The following JMJD1C variants were observed in gnomAD, a reference collection of about 807,000 sequenced individuals.
The protein encoded by JMJD1C is jumonji domain containing 1C.
Under a neutral mutation model 245.3 loss-of-function variants are expected in JMJD1C, and 31 were observed. The observed-to-expected ratio is 0.13, with a 90% CI of 0.09 to 0.17. The LOEUF (loss-of-function observed/expected upper bound fraction) is 0.17, where lower values mean the gene tolerates loss of function less well. JMJD1C is among the 10% of genes least tolerant of loss of function. The pLI is 1.00. For missense variants in JMJD1C, 2,691 were observed against 3,000.2 expected (o/e 0.90, Z 2.41); for synonymous variants, 1,057 against 1,017.4 (o/e 1.04, Z -0.74).
At chr10:63,218,912 A>C (rs1848288313) in intron 4 of JMJD1C, among the ~76,000 whole-genome samples, 2 of 152,156 alleles carry the variant, frequency 1.3e-5, no homozygotes, top group African/African-American at 4.8e-5. Context: ...TAGTATTTTA[A>C]ATTTAAAAAC....
chr10:63,497,598 C>A (rs1954403267), intron 1 of JMJD1C, among the ~76,000 whole-genome samples: 1 of 152,128 alleles, frequency 6.6e-6, no homozygotes, highest in Non-Finnish European at 1.5e-5. Flanking sequence ...ATGCTAAAAA[C>A]CATACAACTG....
chr10:63,350,805 G>A (rs1362312002), intron 2 of JMJD1C, among the ~76,000 whole-genome samples: 1 of 151,596 alleles, frequency 6.6e-6, no homozygotes, highest in Non-Finnish European at 1.5e-5. Context: ...TTGTTTAGTA[G>A]AGACGGGGTT....
intron 1 of JMJD1C, among the ~76,000 whole-genome samples, chr10:63,477,594 G>C (rs1405142102): frequency 3.4e-5 from 5 of 147,986 alleles, no homozygotes; most frequent in African/African-American, 1.2e-4. Context: ...CCCATACTTT[G>C]CAGCATATAC....
intron 1 of JMJD1C, among the ~76,000 whole-genome samples, chr10:63,460,557 G>C (rs1024170360): frequency 1.3e-5 from 2 of 152,076 alleles, no homozygotes; most frequent in African/African-American, 4.8e-5. Context: ...GAGATGGTTA[G>C]TATGAATTAA....
intron 5 of JMJD1C, among the ~76,000 whole-genome samples, chr10:63,216,091 T>C: frequency 6.6e-6 from 1 of 152,128 alleles, no homozygotes; most frequent in South Asian, 2.1e-4. Context: ...ATTGTGCAAA[T>C]GAATAATTTT....
chr10:63,228,410 A>AG (rs1027832510), intron 3 of JMJD1C, among the ~76,000 whole-genome samples: 2 of 152,134 alleles, frequency 1.3e-5, no homozygotes, highest in African/African-American at 4.8e-5. Flanking sequence ...CTAGCTACTC[A>AG]GGAGGCTGAG....
rs868515162 is a variant in JMJD1C at position 63,399,879 on chromosome 10, T to C, written c.169-19397A>G. Among the ~76,000 whole-genome samples the C allele has an allele frequency of 5.9e-5, 9 of 152,168 alleles. No individual in the cohort carries two copies. In the South Asian group the frequency reaches 8.3e-4, roughly 14 times the overall value. ...CAAGGTATATTCGGAGAATTCTAGC[T>C]AGTCCTTCTATACCTGTTCCCTATA... On this transcript the variant is annotated intron_variant, in intron 1 of 25. Coordinates refer to ENST00000399262, the MANE Select transcript of JMJD1C (RefSeq NM_032776.3).
At chr10:63,344,806 T>C (rs1055232691) in intron 2 of JMJD1C, among the ~76,000 whole-genome samples, 3 of 151,908 alleles carry the variant, frequency 2.0e-5, no homozygotes, top group African/African-American at 7.3e-5. Flanking sequence ...GAAAAAAAAT[T>C]AAATCAATGC....
chr10:63,480,578 G>A (rs988723788), intron 1 of JMJD1C, among the ~76,000 whole-genome samples: 18 of 150,844 alleles, frequency 1.2e-4, no homozygotes, highest in Non-Finnish European at 1.3e-4. Flanking sequence ...CAGGACCAAC[G>A]CATTTAAAGC....
At chr10:63,298,789 A>G (rs991758063) in intron 2 of JMJD1C, among the ~76,000 whole-genome samples, 21 of 152,098 alleles carry the variant, frequency 1.4e-4, no homozygotes, top group Admixed American at 4.6e-4. Flanking sequence ...CTGGAGTGCA[A>G]TGGTACAACC....
At chr10:63,284,093 T>C (rs1035362793) in intron 2 of JMJD1C, among the ~76,000 whole-genome samples, 2 of 152,042 alleles carry the variant, frequency 1.3e-5, no homozygotes, top group Admixed American at 6.5e-5. Flanking sequence ...TGGCGCAATC[T>C]TGGCTCACTG....
chr10:63,378,930 T>C (rs1271512697), intron 2 of JMJD1C, among the ~76,000 whole-genome samples: 1 of 152,192 alleles, frequency 6.6e-6, no homozygotes, highest in African/African-American at 2.4e-5. Flanking sequence ...CAAAATTTTC[T>C]ATTGAAACTG....
chr10:63,420,906 T>G (rs1017192137), intron 1 of JMJD1C, among the ~76,000 whole-genome samples: 2 of 151,792 alleles, frequency 1.3e-5, no homozygotes, highest in East Asian at 1.9e-4. Flanking sequence ...CATTGTATAA[T>G]GGAGACCAAA....
chr10:63,286,907 T>C (rs114994659), intron 2 of JMJD1C, among the ~76,000 whole-genome samples: 2,246 of 152,230 alleles, frequency 0.015, 50 homozygotes, highest in African/African-American at 0.051. Flanking sequence ...GATTCAATCA[T>C]TGTTGATCTC....
chr10:63,500,982 C>T (rs1457197466), intron 1 of JMJD1C, among the ~76,000 whole-genome samples: 1 of 151,730 alleles, frequency 6.6e-6, no homozygotes, highest in East Asian at 1.9e-4. Context: ...AAAATTATAA[C>T]ACGAACTACT....
chr10:63,500,788 G>C (rs534689984), intron 1 of JMJD1C, among the ~76,000 whole-genome samples: 2 of 151,448 alleles, frequency 1.3e-5, no homozygotes, highest in Admixed American at 6.6e-5. Flanking sequence ...TGGATGGATG[G>C]ATGGATGCAC....
chr10:63,454,944 G>A (rs1038061441), intron 1 of JMJD1C, among the ~76,000 whole-genome samples: 22 of 152,126 alleles, frequency 1.4e-4, no homozygotes, highest in African/African-American at 4.8e-4. Context: ...TACTTCATAA[G>A]TTGAATTGTG....
intron 1 of JMJD1C, among the ~76,000 whole-genome samples, chr10:63,388,422 C>T (rs1038706681): frequency 1.3e-5 from 2 of 150,618 alleles, no homozygotes; most frequent in Admixed American, 1.3e-4. Context: ...AAAGTCTTTC[C>T]TAAACAAGTA....
intron 3 of JMJD1C, among the ~76,000 whole-genome samples, chr10:63,237,720 TTAG>T (rs1850908251): frequency 6.6e-6 from 1 of 152,162 alleles, no homozygotes; most frequent in Non-Finnish European, 1.5e-5. Flanking sequence ...TGCATTACGC[TTAG>T]TAGTTGAGCA....
Sources: allele counts gnomAD v4.1 joint callset (sites outside exome capture counted in the v4.1 genomes callset), GRCh38; gene constraint gnomAD v4.1.1; transcripts MANE v1.5; gene names NCBI Gene and HGNC (gene_info 2026-07-23, HGNC 2026-07-21).